The following KAT6B variants were observed in gnomAD, a reference collection of about 807,000 sequenced individuals.
KAT6B encodes lysine acetyltransferase 6B, also known as histone acetyltransferase KAT6B.
In KAT6B, 10 loss-of-function variants were observed where a neutral mutation model predicts 187.5. The ratio of observed to expected loss-of-function variants is 0.05; its 90% CI spans 0.03 to 0.09. The LOEUF (loss-of-function observed/expected upper bound fraction) is 0.09. Among genes scored for constraint, KAT6B ranks in the 10% least tolerant of loss-of-function variants. The probability of loss-of-function intolerance (pLI) is 1.00; values close to 1 mark genes in which losing one functional copy is unlikely to be tolerated. For synonymous variants in KAT6B, 861 were observed against 926.8 expected (o/e 0.93, Z 1.29); for missense variants, 1,952 against 2,558.9 (o/e 0.76, Z 5.12).
At chr10:74,918,293 T>C (rs1847853666) in intron 3 of KAT6B, among the ~76,000 whole-genome samples, 2 of 152,248 alleles carry the variant, frequency 1.3e-5, no homozygotes, top group Admixed American at 6.5e-5. Flanking sequence ...ACTCCTGCTC[T>C]TGTTCTAATA....
intron 4 of KAT6B, among the ~76,000 whole-genome samples, chr10:74,967,231 G>A (rs532409613): frequency 3.3e-5 from 5 of 151,898 alleles, no homozygotes; most frequent in African/African-American, 1.2e-4. Flanking sequence ...TAAGGAGGCT[G>A]AGGCGGGAGA....
intron 3 of KAT6B, among the ~76,000 whole-genome samples, chr10:74,872,155 C>A (rs886109076): frequency 5.9e-5 from 9 of 152,200 alleles, no homozygotes; most frequent in African/African-American, 1.9e-4. Context: ...TCCCTTCTCA[C>A]ACTTGCTCAG....
chr10:75,026,343 A>G (rs1294639142), intron 17 of KAT6B, among the ~76,000 whole-genome samples: 1 of 152,168 alleles, frequency 6.6e-6, no homozygotes, highest in Non-Finnish European at 1.5e-5. Flanking sequence ...TGTCAGGTTG[A>G]GAACGTGTGC....
chr10:74,887,263 C>T (rs1175947341), intron 3 of KAT6B, among the ~76,000 whole-genome samples: 3 of 152,164 alleles, frequency 2.0e-5, no homozygotes, highest in Non-Finnish European at 4.4e-5. Flanking sequence ...TGTCCAGACA[C>T]TCCTGGCCCA....
intron 3 of KAT6B, among the ~76,000 whole-genome samples, chr10:74,846,500 A>T (rs1429816200): frequency 6.6e-6 from 1 of 151,970 alleles, no homozygotes; most frequent in East Asian, 1.9e-4. Flanking sequence ...GTACAGTGGC[A>T]TGATCTTGGC....
At chr10:75,006,179 GACTC>G (rs1219196400) in intron 13 of KAT6B, among the ~76,000 whole-genome samples, 34 of 152,102 alleles carry the variant, frequency 2.2e-4, no homozygotes. Context: ...ATGTCAAAAA[GACTC>G]AGGAGTCAAT....
intron 16 of KAT6B, 108 bp from the exon 17 acceptor site, chr10:75,024,850 C>A: frequency 9.8e-7 from 1 of 1,019,218 alleles, no homozygotes; most frequent in South Asian, 1.3e-5. Context: ...ACAGAAGTCA[C>A]CACGTGTAAG....
chr10:74,998,150 T>C (rs1399350090), intron 13 of KAT6B, among the ~76,000 whole-genome samples: 1 of 151,952 alleles, frequency 6.6e-6, no homozygotes, highest in Admixed American at 6.6e-5. Flanking sequence ...GACAGGGTCT[T>C]GCTATGTTGC....
chr10:74,993,376 T>C (rs931198032), intron 13 of KAT6B, among the ~76,000 whole-genome samples: 2 of 152,246 alleles, frequency 1.3e-5, no homozygotes, highest in Non-Finnish European at 2.9e-5. Context: ...TGTTTTCTGC[T>C]CTATTATTCT....
rs779222706 is a variant in KAT6B at position 75,021,189 on chromosome 10, C to T, written c.2925C>T (p.Ser975=). 1.3e-5 allele frequency: 21 copies of T among 1,613,942 alleles called. No homozygotes were observed. Among genetic ancestry groups the T allele is most frequent in the East Asian group, 2.2e-5 (1 of 44,892 alleles). ...LSHMEKLKTC[S]RANELDPDSL... ...ACATGGAAAAGCTGAAAACCTGTTC[C>T]AGAGCCAATGAACTTGATCCAGACA... is the stretch of plus-strand genomic sequence containing the variant. Residue 975 remains serine, a synonymous_variant, in exon 15 of 18, where the codon TCC becomes TCT. Transcript: ENST00000287239.
intron 13 of KAT6B, among the ~76,000 whole-genome samples, chr10:74,999,188 C>G (rs916262825): frequency 2.0e-5 from 3 of 152,204 alleles, no homozygotes; most frequent in Admixed American, 6.5e-5. Flanking sequence ...CTGTTCGTTC[C>G]GTAGCAGGAG....
intron 3 of KAT6B, among the ~76,000 whole-genome samples, chr10:74,912,780 G>A (rs1294809352): frequency 6.6e-6 from 1 of 152,096 alleles, no homozygotes; most frequent in Non-Finnish European, 1.5e-5. Context: ...TCGTGGCATT[G>A]CCTAACTATA....
At chr10:74,859,205 T>A (rs1040266060) in intron 3 of KAT6B, among the ~76,000 whole-genome samples, 1 of 152,068 alleles carries the variant, frequency 6.6e-6, no homozygotes, top group Non-Finnish European at 1.5e-5. Context: ...CTCAGCCTCC[T>A]GAGTAGCTGG....
Position 74,975,720 on chromosome 10 carries a change from C to T in KAT6B, c.1383C>T (p.His461=), listed in dbSNP as rs1348130321. ...GTGAAATTATAGACTTTTCAAAGCA[C>T]TATCGTCCAAGGAAAAAGGTCTCTC... The part of the protein sequence containing the change: ...SRGEIIDFSK[H]YRPRKKVSQK... Residue 461 remains histidine (H), a synonymous_variant, in exon 8 of 18, where the codon CAC becomes CAT. Transcript: ENST00000287239. The T allele has an allele frequency of 1.2e-6, 2 of 1,614,218 alleles. No homozygotes were observed. The highest frequency in any genetic ancestry group is 1.7e-6 in the Non-Finnish European group (2 of 1,180,048).
chr10:75,025,469 T>A, intron 17 of KAT6B: 1 of 509,240 alleles, frequency 2.0e-6, no homozygotes, highest in Non-Finnish European at 3.5e-6. Flanking sequence ...AGAACATTCC[T>A]CTAGGTGGGT....
intron 3 of KAT6B, among the ~76,000 whole-genome samples, chr10:74,844,237 T>G (rs1228747303): frequency 6.9e-6 from 1 of 144,762 alleles, no homozygotes; most frequent in African/African-American, 2.6e-5. Flanking sequence ...TTGCTCTTGT[T>G]GCCCAGGCTG....
chr10:75,017,024 C>T (rs889454541), intron 13 of KAT6B, among the ~76,000 whole-genome samples: 9 of 152,062 alleles, frequency 5.9e-5, no homozygotes, highest in Admixed American at 1.3e-4. Flanking sequence ...CCACCATGCC[C>T]GGCTAGTTTT....
intron 3 of KAT6B, among the ~76,000 whole-genome samples, chr10:74,909,993 G>T (rs745676050): frequency 5.9e-5 from 9 of 151,754 alleles, no homozygotes; most frequent in Non-Finnish European, 1.2e-4. Flanking sequence ...TTTATCTATT[G>T]AATAGGATGT....
chr10:75,001,914 T>C (rs1489689158), intron 13 of KAT6B, among the ~76,000 whole-genome samples: 1 of 152,094 alleles, frequency 6.6e-6, no homozygotes, highest in Non-Finnish European at 1.5e-5. Flanking sequence ...GAGGGCAGGG[T>C]GAGCACAGTA....
Sources: gnomAD v4.1 joint callset for allele counts (sites outside exome capture counted in the v4.1 genomes callset) on GRCh38, gnomAD v4.1.1 for gene constraint, MANE v1.5 for transcripts, NCBI Gene and HGNC (gene_info 2026-07-23, HGNC 2026-07-21) for gene names.